TRIO: variants seen among roughly 807,000 people sequenced by gnomAD.
The protein encoded by TRIO is trio Rho guanine nucleotide exchange factor.
In TRIO, 58 loss-of-function variants were observed where a neutral mutation model predicts 351.9. That is an observed-to-expected ratio of 0.16 (90% CI 0.13 to 0.21). The LOEUF (loss-of-function observed/expected upper bound fraction) is 0.21, where lower values mean the gene tolerates loss of function less well. Ranked by LOEUF, TRIO falls within the 10% of genes least tolerant of loss-of-function variation. The pLI, the probability that TRIO is intolerant of heterozygous loss-of-function variation, is 1.00. For synonymous variants in TRIO, 1,758 were observed against 1,595.7 expected (o/e 1.10, Z -2.42); for missense variants, 3,201 against 4,027.8 (o/e 0.79, Z 5.56).
chr5:14,298,781 A>G (rs1350538912), intron 7 of TRIO, among the ~76,000 whole-genome samples: 2 of 152,212 alleles, frequency 1.3e-5, no homozygotes, highest in East Asian at 3.8e-4. Context: ...GGATTTTTCT[A>G]CTTTCTAACT....
At chr5:14,346,850 A>G (rs868164562) in intron 11 of TRIO, among the ~76,000 whole-genome samples, 2 of 151,988 alleles carry the variant, frequency 1.3e-5, no homozygotes, top group Non-Finnish European at 2.9e-5. Flanking sequence ...CGAGACCAAA[A>G]CTCTCCTCAT....
chr5:14,430,978 C>T (rs1010342634), intron 34 of TRIO, among the ~76,000 whole-genome samples: 3 of 152,210 alleles, frequency 2.0e-5, no homozygotes, highest in Non-Finnish European at 2.9e-5. Context: ...TCCCAAAGTG[C>T]TGGGATTACA....
At chr5:14,491,622 CTG>C (rs1490817397) in intron 48 of TRIO, among the ~76,000 whole-genome samples, 3 of 152,200 alleles carry the variant, frequency 2.0e-5, no homozygotes, top group African/African-American at 4.8e-5. Flanking sequence ...TAACACCACT[CTG>C]TGTGTGGCCT....
Position 14,488,924 on chromosome 5 carries a change from C to T in TRIO, c.7632+664C>T, listed in dbSNP as rs761943641. ...CCTGCGGCCTGCTGGGCTCTGGCCT[C>T]GTTTGGCCCATCACTCATGCTGCCG... On this transcript the variant is annotated intron_variant, in intron 48 of 56. Transcript: ENST00000344204. The T allele has an allele frequency of 3.4e-5, 26 of 762,122 alleles. No homozygotes were observed. In the East Asian group the frequency reaches 5.3e-4, roughly 16 times the overall value. 47.2% of individuals were successfully genotyped at this position (762,122 alleles called of 1,614,324 possible). A position where few individuals can be genotyped will look rare whatever the true frequency, so the allele number is the denominator to read the frequency against.
Position 14,478,406 on chromosome 5 carries a change from A to G in TRIO, c.6154-855A>G, listed in dbSNP as rs993882317. Among the ~76,000 whole-genome samples, 25 of 152,310 alleles carry G rather than the reference A, an allele frequency of 1.6e-4. 1 individual carries two copies. Among genetic ancestry groups the G allele is most frequent in the Non-Finnish European group, 2.9e-4 (20 of 68,024 alleles). On this transcript the variant is annotated intron_variant, in intron 41 of 56. Coordinates refer to ENST00000344204, the MANE Select transcript of TRIO (RefSeq NM_007118.4). ...AGATGTCAGCACAACAAAAAGGACA[A>G]CTGACATCTTAGTGGTATTTAGAAA...
intron 1 of TRIO, among the ~76,000 whole-genome samples, chr5:14,174,432 G>T (rs149487625): frequency 1.8e-4 from 27 of 152,256 alleles, no homozygotes; most frequent in African/African-American, 6.5e-4. Flanking sequence ...CCTAGGGGTC[G>T]GCTTTATGCC....
At position 14,327,322 on chromosome 5, in the gene TRIO, G is replaced by A. The variant is rs1418978247; in HGVS notation, c.1732-3456G>A. Among the ~76,000 whole-genome samples, 6 of 152,002 alleles carry A rather than the reference G, an allele frequency of 3.9e-5. No homozygotes were observed. The East Asian group carries it at 5.8e-4, about 15-fold the overall frequency. ...TGGGATTACAGGTGTACACCACCAC[G>A]CCCGGCTAATTTTGTATTTTTAGTA... On this transcript the variant is annotated intron_variant, in intron 9 of 56. Transcript: ENST00000344204.
chr5:14,492,635 G>A lies in TRIO; in HGVS notation c.7701G>A (p.Glu2567=). The change falls in exon 49 of 57, where the codon GAG becomes GAA. Residue 2567 remains glutamate, a synonymous_variant. Transcript: ENST00000344204. ...CACACGATTACACGGCAGTGAAGGAGGATGAGATCAACGTCTACCAAGGAG... is the reference window on the plus strand; with the variant it reads ...CACACGATTACACGGCAGTGAAGGAAGATGAGATCAACGTCTACCAAGGAG... The part of the protein sequence containing the change: ...LVTHDYTAVK[E]DEINVYQGEV... 6.2e-7 allele frequency: 1 copy of A among 1,614,230 alleles called. No individual in the cohort carries two copies. The highest frequency in any genetic ancestry group is 8.5e-7 in the Non-Finnish European group (1 of 1,180,048).
At chr5:14,398,760 C>G (rs2152373558) in intron 29 of TRIO, 120 bp from the exon 30 acceptor site, 2 of 950,276 alleles carry the variant, frequency 2.1e-6, no homozygotes, top group Non-Finnish European at 3.1e-6. Flanking sequence ...ATGGGAAACT[C>G]TTATCTAGGG....
intron 19 of TRIO, among the ~76,000 whole-genome samples, chr5:14,376,908 G>A (rs899770966): frequency 6.6e-6 from 1 of 152,188 alleles, no homozygotes; most frequent in Non-Finnish European, 1.5e-5. Flanking sequence ...CGTCTAGCAG[G>A]AAAGCAGTGA....
intron 39 of TRIO, among the ~76,000 whole-genome samples, chr5:14,473,095 T>G (rs1754803626): frequency 6.6e-6 from 1 of 152,202 alleles, no homozygotes; most frequent in Non-Finnish European, 1.5e-5. Context: ...GCCTGTACTG[T>G]GGCTGCACCA....
At chr5:14,359,665 G>A in intron 13 of TRIO, 134 bp downstream of exon 13, 1 of 1,082,424 alleles carries the variant, frequency 9.2e-7, no homozygotes, top group Non-Finnish European at 1.3e-6. Context: ...CACCAGGAGG[G>A]GGTGTGGGAG....
chr5:14,495,991 C>T (rs1756869322), intron 49 of TRIO, among the ~76,000 whole-genome samples: 1 of 152,102 alleles, frequency 6.6e-6, no homozygotes, highest in South Asian at 2.1e-4. Flanking sequence ...GCCACACCCA[C>T]TCCAGCCTTC....
chr5:14,406,752 TCA>T, intron 33 of TRIO, 80 bp downstream of exon 33: 1 of 1,380,700 alleles, frequency 7.2e-7, no homozygotes, highest in Non-Finnish European at 1.0e-6. Context: ...TTTCTGTTAC[TCA>T]CAGTTTGTCA....
At position 14,465,559 on chromosome 5, in the gene TRIO, A is replaced by T; in HGVS notation, c.5682A>T (p.Leu1894Phe). The T allele has an allele frequency of 6.2e-7, 1 of 1,613,678 alleles. No individual in the cohort carries two copies. The highest frequency in any genetic ancestry group is 8.5e-7 in the Non-Finnish European group (1 of 1,179,970). The change falls in exon 37 of 57, where the codon TTA (leucine) becomes TTT (phenylalanine). Residue 1894 changes from leucine (L) to phenylalanine (F), a missense_variant. Physicochemically the swap from Leu to Phe is conservative, Grantham distance 22. Coordinates refer to ENST00000344204, the MANE Select transcript of TRIO (RefSeq NM_007118.4). ...DSQDDKASSR[L>F]LVRPTSSETP... ...TTCTTCTGTAGGCCTCTTCTCGGTT[A>T]TTAGTCCGCCCCACCAGCTCCGAAA...
chr5:14,207,306 C>A (rs1237499387), intron 1 of TRIO, among the ~76,000 whole-genome samples: 1 of 16,176 alleles, frequency 6.2e-5, no homozygotes, highest in Non-Finnish European at 1.2e-4. Context: ...GGTAGCATAG[C>A]AAGACTGTCT....
intron 56 of TRIO, 119 bp downstream of exon 56, chr5:14,507,379 T>G (rs1002052612): frequency 3.8e-5 from 55 of 1,430,390 alleles, no homozygotes; most frequent in Non-Finnish European, 4.8e-5. Context: ...ACAAAAAGGG[T>G]GGGTGGGGCA....
rs1755821655 is a variant in TRIO at position 14,485,072 on chromosome 5, A to T, written c.6661A>T (p.Ser2221Cys). The change falls in exon 47 of 57, where the codon AGT becomes TGT. Residue 2221 changes from serine (S) to cysteine (C), a missense_variant. By Grantham distance (112) the Ser-to-Cys change is moderately radical. This residue lies in a region of TRIO where 1,089 missense variants were observed against 954.9 expected (regional missense o/e 1.14). Transcript: ENST00000344204. The stretch of plus-strand genomic sequence containing the variant: ...ATAATGTTTTTTTTTTTTTAAGGTG[A>T]GTTGCCTTTGCCTGGAGGAAAATGT... ...GFLFKNSIKVSCLCLEENVEN... is the reference protein window; with the variant it reads ...GFLFKNSIKVCCLCLEENVEN... The T allele has an allele frequency of 1.3e-6, 2 of 1,506,946 alleles. No individual in the cohort carries two copies. Among genetic ancestry groups the T allele is most frequent in the Non-Finnish European group, 1.8e-6 (2 of 1,121,024 alleles). The allele number at this position is 1,506,946 out of a possible 1,614,324, so 93.3% of individuals were successfully genotyped here. A position where few individuals can be genotyped will look rare whatever the true frequency, so the allele number is the denominator to read the frequency against.
intron 5 of TRIO, among the ~76,000 whole-genome samples, chr5:14,292,772 T>C (rs921745731): frequency 6.6e-6 from 1 of 152,252 alleles, no homozygotes; most frequent in Non-Finnish European, 1.5e-5. Flanking sequence ...TCTTTACTTA[T>C]CTGCTTCTTA....
Sources: gnomAD v4.1 joint callset for allele counts (sites outside exome capture counted in the v4.1 genomes callset) on GRCh38, gnomAD v4.1.1 for gene constraint, gnomAD v4.1.1 regional missense constraint, MANE v1.5 for transcripts, NCBI Gene and HGNC (gene_info 2026-07-23, HGNC 2026-07-21) for gene names.